TMEM132C: variants seen among roughly 807,000 people sequenced by gnomAD.
The protein encoded by TMEM132C is transmembrane protein 132C.
In TMEM132C, 29 loss-of-function variants were observed where a neutral mutation model predicts 61.4. That is an observed-to-expected ratio of 0.47 (90% CI 0.35 to 0.64). The LOEUF (loss-of-function observed/expected upper bound fraction) is 0.64, where lower values mean the gene tolerates loss of function less well. Ranked by LOEUF, TMEM132C falls within the 30% of genes least tolerant of loss-of-function variation. TMEM132C has a pLI of 0.00. For synonymous variants in TMEM132C, 656 were observed against 633.1 expected (o/e 1.04, Z -0.54); for missense variants, 1,408 against 1,476.9 (o/e 0.95, Z 0.76).
intron 5 of TMEM132C, among the ~76,000 whole-genome samples, chr12:128,676,339 G>T (rs1015990158): frequency 1.3e-5 from 2 of 151,980 alleles, no homozygotes; most frequent in Non-Finnish European, 2.9e-5. Flanking sequence ...TTCCCAGCAA[G>T]GATAACTATA....
intron 1 of TMEM132C, among the ~76,000 whole-genome samples, chr12:128,391,925 A>G (rs1320924580): frequency 6.6e-6 from 1 of 152,208 alleles, no homozygotes; most frequent in African/African-American, 2.4e-5. Flanking sequence ...AAATGGTTAC[A>G]TAAATACTTA....
intron 5 of TMEM132C, among the ~76,000 whole-genome samples, chr12:128,677,367 G>A (rs1203318138): frequency 6.6e-6 from 1 of 152,110 alleles, no homozygotes; most frequent in Non-Finnish European, 1.5e-5. Context: ...TGCCCTCAAG[G>A]AAGCAGCATG....
At chr12:128,477,653 C>T (rs1871193725) in intron 2 of TMEM132C, among the ~76,000 whole-genome samples, 1 of 152,168 alleles carries the variant, frequency 6.6e-6, no homozygotes, top group Non-Finnish European at 1.5e-5. Context: ...AATCTCGGCT[C>T]ACTGCAAACT....
Position 128,375,240 on chromosome 12 carries a change from C to T in TMEM132C, c.86-39492C>T, listed in dbSNP as rs190524304. On this transcript the variant is annotated intron_variant, in intron 1 of 8. Coordinates refer to ENST00000435159, the MANE Select transcript of TMEM132C (RefSeq NM_001136103.3). ...CTGGGGACAGTGTGACCGGGGTGGG[C>T]GGGAGCTGTTGTCACAGGAAGGCCA... Among the ~76,000 whole-genome samples the T allele has an allele frequency of 3.7e-3, 559 of 152,032 alleles. 4 individuals carry two copies. The highest frequency in any genetic ancestry group is 0.013 in the African/African-American group (534 of 41,470).
chr12:128,277,055 T>G (rs1475824517), intron 1 of TMEM132C, among the ~76,000 whole-genome samples: 2 of 152,208 alleles, frequency 1.3e-5, no homozygotes, highest in Non-Finnish European at 2.9e-5. Context: ...TTGTCTCCAC[T>G]GGAAACAATG....
At chr12:128,463,744 G>T (rs1472314265) in intron 2 of TMEM132C, among the ~76,000 whole-genome samples, 4 of 152,066 alleles carry the variant, frequency 2.6e-5, no homozygotes, top group Admixed American at 2.6e-4. Context: ...CATCTAATGT[G>T]AGCAGAGCTG....
chr12:128,646,871 A>G (rs112067341), intron 4 of TMEM132C, among the ~76,000 whole-genome samples: 5,372 of 112,944 alleles, frequency 0.048, 313 homozygotes, highest in African/African-American at 0.16. Flanking sequence ...CATTGGATGA[A>G]TGTGTTTACT....
At chr12:128,301,942 A>C (rs1485542509) in intron 1 of TMEM132C, among the ~76,000 whole-genome samples, 8 of 152,290 alleles carry the variant, frequency 5.3e-5, no homozygotes, top group Admixed American at 2.6e-4. Context: ...GAAAGAGGAA[A>C]CCACTTATAA....
At chr12:128,502,430 T>G (rs1872213963) in intron 2 of TMEM132C, among the ~76,000 whole-genome samples, 1 of 152,246 alleles carries the variant, frequency 6.6e-6, no homozygotes, top group Admixed American at 6.5e-5. Flanking sequence ...GGTAGCTCTT[T>G]CAGGGCTTAT....
intron 3 of TMEM132C, among the ~76,000 whole-genome samples, chr12:128,575,580 A>AAAGGCAGAGAAATAT (rs1875062268): frequency 6.6e-6 from 1 of 152,284 alleles, no homozygotes; most frequent in Admixed American, 6.5e-5. Context: ...TTTATCAATG[A>AAAGGCAGAGAAATAT]AAGGCAGAGA....
intron 2 of TMEM132C, among the ~76,000 whole-genome samples, chr12:128,474,927 AGAC>A (rs1242362636): frequency 6.6e-6 from 1 of 152,178 alleles, no homozygotes; most frequent in African/African-American, 2.4e-5. Context: ...ACCAGTTATC[AGAC>A]ATTCCCGACA....
chr12:128,283,140 T>C (rs1870949471), intron 1 of TMEM132C, among the ~76,000 whole-genome samples: 1 of 152,228 alleles, frequency 6.6e-6, no homozygotes, highest in Non-Finnish European at 1.5e-5. Flanking sequence ...TGGATTTCTT[T>C]TGTACTCTAT....
At chr12:128,535,443 C>A (rs890402670) in intron 2 of TMEM132C, among the ~76,000 whole-genome samples, 1 of 152,182 alleles carries the variant, frequency 6.6e-6, no homozygotes, top group Non-Finnish European at 1.5e-5. Context: ...TGAACAGACA[C>A]TTCGCAAAAG....
At chr12:128,357,724 C>G (rs1713639) in intron 1 of TMEM132C, among the ~76,000 whole-genome samples, 132,039 of 150,666 alleles carry the variant, frequency 0.88, 59,328 homozygotes, top group Non-Finnish European at 0.97. Context: ...AAAGAAGGAG[C>G]CCAAAGAAGC....
intron 2 of TMEM132C, among the ~76,000 whole-genome samples, chr12:128,446,359 A>G (rs1475713866): frequency 6.6e-6 from 1 of 152,200 alleles, no homozygotes; most frequent in Non-Finnish European, 1.5e-5. Context: ...TGAGCCACAG[A>G]CAACTGCTAG....
intron 2 of TMEM132C, among the ~76,000 whole-genome samples, chr12:128,525,947 C>T (rs1327198860): frequency 6.6e-6 from 1 of 152,176 alleles, no homozygotes; most frequent in Non-Finnish European, 1.5e-5. Context: ...CAGACAATGG[C>T]ACGACCTCCA....
chr12:128,604,489 TAGAG>T (rs1253287752), intron 3 of TMEM132C, among the ~76,000 whole-genome samples: 1 of 150,716 alleles, frequency 6.6e-6, no homozygotes, highest in Non-Finnish European at 1.5e-5. Context: ...GGATAGATCA[TAGAG>T]GGATAGACAG....
chr12:128,505,395 A>C (rs1387942954), intron 2 of TMEM132C, among the ~76,000 whole-genome samples: 1 of 152,168 alleles, frequency 6.6e-6, no homozygotes, highest in Non-Finnish European at 1.5e-5. Context: ...TTACTTGCTC[A>C]ACTAGCTCTG....
At chr12:128,590,081 G>A (rs1212538044) in intron 3 of TMEM132C, among the ~76,000 whole-genome samples, 1 of 152,214 alleles carries the variant, frequency 6.6e-6, no homozygotes, top group African/African-American at 2.4e-5. Flanking sequence ...TGGAGGCTTT[G>A]GGAGATTGAC....
Sources: gnomAD v4.1 joint callset for allele counts (sites outside exome capture counted in the v4.1 genomes callset) on GRCh38, gnomAD v4.1.1 for gene constraint, MANE v1.5 for transcripts, NCBI Gene and HGNC (gene_info 2026-07-23, HGNC 2026-07-21) for gene names.